The following EML6 variants were observed in gnomAD, a reference collection of about 807,000 sequenced individuals.
EML6 encodes the protein EMAP like 6, also known as echinoderm microtubule-associated protein-like 6.
EML6 carries 154 observed loss-of-function variants against 240.1 expected under a neutral mutation model. That is an observed-to-expected ratio of 0.64 (90% CI 0.56 to 0.73). The LOEUF is 0.73. Among genes scored for constraint, EML6 ranks in the 30% least tolerant of loss-of-function variants. The pLI is 0.00. For missense variants in EML6, 2,964 were observed against 2,474.6 expected (o/e 1.20, Z -4.20); for synonymous variants, 1,148 against 899.0 (o/e 1.28, Z -4.95).
chr2:54,946,708 G>T (rs187631532), intron 28 of EML6, among the ~76,000 whole-genome samples: 28 of 152,304 alleles, frequency 1.8e-4, no homozygotes, highest in African/African-American at 6.7e-4. Flanking sequence ...GACAAACACA[G>T]GTGTTTGGTG....
intron 39 of EML6, among the ~76,000 whole-genome samples, 184 bp from the exon 40 acceptor site, chr2:54,967,944 C>T (rs1232102469): frequency 1.3e-5 from 2 of 152,212 alleles, no homozygotes; most frequent in African/African-American, 4.8e-5. Context: ...GCCACCACTG[C>T]TCACCTCCTG....
intron 26 of EML6, among the ~76,000 whole-genome samples, chr2:54,921,694 T>C (rs768207713): frequency 3.3e-5 from 5 of 152,082 alleles, no homozygotes; most frequent in Non-Finnish European, 5.9e-5. Flanking sequence ...ATTACAAAGC[T>C]ATAGTAATCA....
At chr2:54,909,867 A>C (rs1389003886) in intron 24 of EML6, among the ~76,000 whole-genome samples, 1 of 151,650 alleles carries the variant, frequency 6.6e-6, no homozygotes, top group African/African-American at 2.4e-5. Flanking sequence ...AAAAAAAAAA[A>C]AAAAAGATTA....
chr2:54,956,444 A>C (rs1247241510), intron 32 of EML6, among the ~76,000 whole-genome samples: 1 of 152,174 alleles, frequency 6.6e-6, no homozygotes. Flanking sequence ...TAGATCTCTA[A>C]TGTTAATCCT....
intron 10 of EML6, chr2:54,850,451 C>T (rs1011003276): frequency 3.2e-5 from 15 of 462,612 alleles, no homozygotes; most frequent in African/African-American, 2.7e-4. Context: ...AGTTGCTGCA[C>T]AACAAGGGAG....
chr2:54,855,589 C>G (rs777269022), intron 11 of EML6, among the ~76,000 whole-genome samples: 9 of 151,826 alleles, frequency 5.9e-5, no homozygotes, highest in African/African-American at 9.7e-5. Flanking sequence ...AAAAACAGCT[C>G]TTTGGATAAT....
intron 6 of EML6, among the ~76,000 whole-genome samples, 174 bp from the exon 7 acceptor site, chr2:54,829,168 G>A (rs991414625): frequency 2.6e-5 from 4 of 152,156 alleles, no homozygotes; most frequent in African/African-American, 9.7e-5. Flanking sequence ...AAATGTAGCT[G>A]AGATGAACAG....
chr2:54,892,686 C>G (rs183578366), intron 19 of EML6, 30 bp downstream of exon 19: 1 of 1,510,582 alleles, frequency 6.6e-7, no homozygotes, highest in East Asian at 2.5e-5. Flanking sequence ...ATTCATTTTC[C>G]TCATCAGCCT....
chr2:54,951,998 A>G (rs1676005681), intron 30 of EML6, among the ~76,000 whole-genome samples: 1 of 152,144 alleles, frequency 6.6e-6, no homozygotes, highest in South Asian at 2.1e-4. Flanking sequence ...ATTTGCTTTG[A>G]TAGATGGTAA....
rs1010767849 is a variant in EML6, at chr2:54,871,534, C to T, written c.2273C>T (p.Thr758Ile). 6.4e-7 allele frequency: 1 copy of T among 1,551,740 alleles called. No individual in the cohort carries two copies. The highest frequency in any genetic ancestry group is 1.4e-5 in the African/African-American group (1 of 73,176). ...GATGCTGCTATTCATGTGTGGGACACACAAACTCTAAAATGTTTGTCGCTG... is the reference window on the plus strand; with the variant it reads ...GATGCTGCTATTCATGTGTGGGACATACAAACTCTAAAATGTTTGTCGCTG... ...GRDAAIHVWDTQTLKCLSLLK... is the reference protein window; with the variant it reads ...GRDAAIHVWDIQTLKCLSLLK... Residue 758 changes from threonine to isoleucine, a missense_variant, in exon 16 of 42, where the codon ACA (threonine) becomes ATA (isoleucine). Physicochemically the swap from Thr to Ile is moderately conservative, Grantham distance 89. Transcript: ENST00000356458.
intron 28 of EML6, among the ~76,000 whole-genome samples, chr2:54,940,753 C>T (rs1156776608): frequency 3.3e-5 from 5 of 152,166 alleles, no homozygotes. Context: ...ATGTAGAATC[C>T]AGGGTGCCCC....
At chr2:54,959,361 C>T (rs911331577) in intron 34 of EML6, 100 bp downstream of exon 34, 16 of 1,184,552 alleles carry the variant, frequency 1.4e-5, no homozygotes, top group African/African-American at 9.2e-5. Context: ...GACTGTCATC[C>T]TCCTATCTTT....
intron 2 of EML6, among the ~76,000 whole-genome samples, chr2:54,812,367 C>G (rs998303209): frequency 1.3e-5 from 2 of 151,106 alleles, no homozygotes; most frequent in African/African-American, 4.9e-5. Flanking sequence ...TAAGCAGATA[C>G]TGAAAATTGG....
At chr2:54,878,740 C>T (rs951279886) in intron 16 of EML6, among the ~76,000 whole-genome samples, 1 of 152,090 alleles carries the variant, frequency 6.6e-6, no homozygotes, top group East Asian at 1.9e-4. Context: ...GTAATCTATT[C>T]TTGCCACTTT....
intron 4 of EML6, among the ~76,000 whole-genome samples, chr2:54,819,920 C>T (rs951920784): frequency 6.6e-6 from 1 of 152,096 alleles, no homozygotes; most frequent in African/African-American, 2.4e-5. Flanking sequence ...CTCTGCCTTA[C>T]GTTTAGGAAT....
intron 11 of EML6, among the ~76,000 whole-genome samples, chr2:54,856,756 T>A (rs1670404122): frequency 6.6e-6 from 1 of 152,214 alleles, no homozygotes; most frequent in African/African-American, 2.4e-5. Context: ...AGAGTCGTCT[T>A]CTAAGTGCAA....
intron 2 of EML6, among the ~76,000 whole-genome samples, chr2:54,796,020 CACTG>C (rs1669747797): frequency 6.6e-6 from 1 of 152,024 alleles, no homozygotes; most frequent in African/African-American, 2.4e-5. Flanking sequence ...AATCTCAAAA[CACTG>C]AATACGAGAT....
chr2:54,837,282 T>G (rs1274028927), intron 7 of EML6, among the ~76,000 whole-genome samples: 1 of 152,200 alleles, frequency 6.6e-6, no homozygotes, highest in Non-Finnish European at 1.5e-5. Flanking sequence ...ACACTTGAAC[T>G]GCCTGAATCC....
At chr2:54,852,024 C>G (rs950057582) in intron 10 of EML6, among the ~76,000 whole-genome samples, 16 of 152,180 alleles carry the variant, frequency 1.1e-4, no homozygotes, top group African/African-American at 3.9e-4. Flanking sequence ...ATTAGAAACT[C>G]TGAGATCAGC....
Sources: allele counts gnomAD v4.1 joint callset (sites outside exome capture counted in the v4.1 genomes callset), GRCh38; gene constraint gnomAD v4.1.1; transcripts MANE v1.5; gene names NCBI Gene and HGNC (gene_info 2026-07-23, HGNC 2026-07-21).